Variants in CPNE1 observed in about 807,000 individuals in gnomAD.
CPNE1 encodes the protein copine 1, also known as copine-1.
CPNE1 carries 58 observed loss-of-function variants against 63.2 expected under a neutral mutation model. That is an observed-to-expected ratio of 0.92 (90% CI 0.74 to 1.14). CPNE1 has a LOEUF of 1.14. CPNE1 is among the 50% of genes most tolerant of loss of function. The pLI is 0.00. For missense variants in CPNE1, 672 were observed against 661.7 expected (o/e 1.02, Z -0.17); for synonymous variants, 237 against 249.0 (o/e 0.95, Z 0.45).
At chr20:35,628,948 C>T (rs181801262) in intron 13 of CPNE1, among the ~76,000 whole-genome samples, 156 of 152,308 alleles carry the variant, frequency 1.0e-3, no homozygotes, top group African/African-American at 3.4e-3. Flanking sequence ...TAGAAGCAAA[C>T]CTGAGGCAGG....
rs2033153573 is a variant in CPNE1 at position 35,647,113 on chromosome 20, C to T, written c.1-14190G>A. Among the ~76,000 whole-genome samples the T allele has an allele frequency of 2.6e-5, 4 of 151,726 alleles. 1 individual carries two copies. The South Asian group carries it at 8.3e-4, about 32-fold the overall frequency. ...ATCACCTGAGGTCAGGAGTTCGAGACCAGCCTGGCCAACATGGTGAAACCC... is the reference window on the plus strand; with the variant it reads ...ATCACCTGAGGTCAGGAGTTCGAGATCAGCCTGGCCAACATGGTGAAACCC... On this transcript the variant is annotated intron_variant, in intron 1 of 15. Transcript: ENST00000397443.
intron 1 of CPNE1, chr20:35,647,378 T>C (rs1462814470): frequency 6.7e-6 from 1 of 150,208 alleles, no homozygotes; most frequent in East Asian, 2.0e-4. Flanking sequence ...AGAGGGGCCA[T>C]GCTAATCTTC....
chr20:35,644,310 C>T (rs2032990511), intron 1 of CPNE1, among the ~76,000 whole-genome samples: 1 of 152,178 alleles, frequency 6.6e-6, no homozygotes, highest in Non-Finnish European at 1.5e-5. Context: ...ATATAACTAG[C>T]AGGACAGGGA....
At chr20:35,643,790 G>A (rs918624632) in intron 1 of CPNE1, among the ~76,000 whole-genome samples, 1 of 152,052 alleles carries the variant, frequency 6.6e-6, no homozygotes, top group Admixed American at 6.5e-5. Flanking sequence ...AAGCTTGACC[G>A]TGGAGGCCAA....
chr20:35,640,197 C>A (rs368283208), intron 1 of CPNE1, among the ~76,000 whole-genome samples: 1 of 152,168 alleles, frequency 6.6e-6, no homozygotes, highest in Non-Finnish European at 1.5e-5. Context: ...CTATAAACCA[C>A]GGGATTATTA....
At chr20:35,628,142 G>A (rs1043532024) in intron 13 of CPNE1, among the ~76,000 whole-genome samples, 9 of 151,446 alleles carry the variant, frequency 5.9e-5, no homozygotes, top group Non-Finnish European at 7.4e-5. Flanking sequence ...AAAACTAGCC[G>A]GGCGTGGTGG....
chr20:35,661,732 T>C (rs2034241729), intron 1 of CPNE1, among the ~76,000 whole-genome samples: 1 of 152,198 alleles, frequency 6.6e-6, no homozygotes, highest in Non-Finnish European at 1.5e-5. Context: ...GAAAAAAATG[T>C]CTGACAACAA....
Position 35,631,036 on chromosome 20 carries a change from T to C in CPNE1, c.862-2A>G. On this transcript the variant is annotated splice_acceptor_variant, in intron 10 of 15. Coordinates refer to ENST00000397443, the MANE Select transcript of CPNE1 (RefSeq NM_152925.3). LOFTEE classifies it high-confidence loss of function. ...GGAGCCAGTGAAGTCCACGCCCACC[T>C]GGGAGGAGGTGAGGAAGGCAGCTAA... 6.2e-7 allele frequency: 1 copy of C among 1,613,926 alleles called. No homozygotes were observed. The highest frequency in any genetic ancestry group is 8.5e-7 in the Non-Finnish European group (1 of 1,179,960).
At chr20:35,655,307 G>C in intron 1 of CPNE1, 1 of 1,608,976 alleles carries the variant, frequency 6.2e-7, no homozygotes, top group Non-Finnish European at 8.5e-7. Flanking sequence ...CCTTGCAAAC[G>C]GATGACCACA....
At chr20:35,662,009 C>T (rs1408899506) in intron 1 of CPNE1, among the ~76,000 whole-genome samples, 1 of 152,154 alleles carries the variant, frequency 6.6e-6, no homozygotes, top group African/African-American at 2.4e-5. Flanking sequence ...TATGAAACAA[C>T]CACAGTTTCA....
chr20:35,650,099 C>G (rs1252996763), intron 1 of CPNE1: 1 of 152,536 alleles, frequency 6.6e-6, no homozygotes, highest in Non-Finnish European at 1.5e-5. Context: ...AAACAGTATC[C>G]TTAGCAGTTA....
intron 1 of CPNE1, among the ~76,000 whole-genome samples, chr20:35,642,107 T>C (rs994683622): frequency 2.0e-5 from 3 of 152,222 alleles, no homozygotes; most frequent in Non-Finnish European, 4.4e-5. Context: ...CTTCATTTTC[T>C]ATGGCCACCC....
At chr20:35,648,998 T>C (rs1601458132) in intron 1 of CPNE1, 1 of 152,680 alleles carries the variant, frequency 6.5e-6, no homozygotes, top group Non-Finnish European at 1.5e-5. Context: ...CAAGACTTCA[T>C]CTTTATAAAC....
At chr20:35,651,876 G>C (rs1345164832) in intron 1 of CPNE1, 1 of 152,516 alleles carries the variant, frequency 6.6e-6, no homozygotes, top group African/African-American at 2.4e-5. Flanking sequence ...AACGAAGTGT[G>C]GACTTTTATA....
At chr20:35,655,148 G>A (rs1314415365) in intron 1 of CPNE1, 16 of 1,613,952 alleles carry the variant, frequency 9.9e-6, no homozygotes, top group Admixed American at 1.7e-5. Flanking sequence ...CCACCTGTGC[G>A]CATCATACCA....
chr20:35,631,207 T>C (rs760081121), intron 9 of CPNE1, 34 bp from the exon 10 acceptor site: 5 of 1,613,754 alleles, frequency 3.1e-6, no homozygotes, highest in East Asian at 2.2e-5. Flanking sequence ...CCTGGGGTGA[T>C]AGCAGTTGGT....
chr20:35,645,187 G>A (rs187415686), intron 1 of CPNE1, among the ~76,000 whole-genome samples: 1 of 152,252 alleles, frequency 6.6e-6, no homozygotes, highest in East Asian at 1.9e-4. Flanking sequence ...AAGCAGACCA[G>A]AGCTCTTGGA....
At position 35,631,327 on chromosome 20, in the gene CPNE1, T is replaced by A. The variant is rs373498616; in HGVS notation, c.742A>T (p.Lys248Ter). 6.2e-7 allele frequency: 1 copy of A among 1,614,032 alleles called. No homozygotes were observed. The highest frequency in any genetic ancestry group is 1.3e-5 in the African/African-American group (1 of 74,904). Residue 248 changes from lysine to a stop codon, truncating the protein, a stop_gained, in exon 9 of 16, where the codon AAG becomes TAG. Transcript: ENST00000397443. LOFTEE classifies it high-confidence loss of function. ...PAEFECIHPEKQQKKKSYKNS... is the reference protein window; with the variant it reads ...PAEFECIHPE ...TTGTAGCTTTTCTTTTTCTGCTGCTTCTCAGGGTGGATGCATTCAAACTCA... is the reference window on the plus strand; with the variant it reads ...TTGTAGCTTTTCTTTTTCTGCTGCTACTCAGGGTGGATGCATTCAAACTCA...
In CPNE1 at chr20:35,632,843, G is replaced by T; in HGVS notation, c.81C>A (p.Asp27Glu). The change falls in exon 2 of 16, where the codon GAC becomes GAA. Residue 27 changes from aspartate to glutamate, a missense_variant. Asp to Glu is a conservative substitution (Grantham distance 45, BLOSUM62 2). Transcript: ENST00000397443. Reference sequence around the variant, plus strand: ...CATCCTGTAAAAGGACGCAGAGTGGGTCAGACTTGGAGCCGATGTCCTTGT... The same window carrying T: ...CATCCTGTAAAAGGACGCAGAGTGGTTCAGACTTGGAGCCGATGTCCTTGT... Reference protein sequence around the residue: ...LIDKDIGSKSDPLCVLLQDVG... With the variant: ...LIDKDIGSKSEPLCVLLQDVG... 1 of 872,922 alleles carries T rather than the reference G, an allele frequency of 1.1e-6. No homozygotes were observed. The highest frequency in any genetic ancestry group is 2.0e-6 in the Non-Finnish European group (1 of 501,652). The allele number at this position is 872,922 out of a possible 1,614,324, so 54.1% of individuals were successfully genotyped here.
Sources: allele counts gnomAD v4.1 joint callset (sites outside exome capture counted in the v4.1 genomes callset), GRCh38; gene constraint gnomAD v4.1.1; transcripts MANE v1.5; gene names NCBI Gene and HGNC (gene_info 2026-07-23, HGNC 2026-07-21).